The following CDIN1 variants were observed in gnomAD, a reference collection of about 807,000 sequenced individuals.
The protein encoded by CDIN1 is CDAN1-interacting nuclease 1.
In CDIN1, 33 loss-of-function variants were observed where a neutral mutation model predicts 45.3. The ratio of observed to expected loss-of-function variants is 0.73; its 90% CI spans 0.55 to 0.97. The LOEUF is 0.97. CDIN1 is among the 50% of genes least tolerant of loss of function. The pLI is 0.00. For missense variants in CDIN1, 303 were observed against 339.4 expected, an observed-to-expected ratio of 0.89 and a Z score of 0.84; for synonymous variants, 118 against 124.4, an observed-to-expected ratio of 0.95 and a Z score of 0.34.
intron 5 of CDIN1, among the ~76,000 whole-genome samples, chr15:36,663,267 T>C (rs936707919): frequency 1.3e-5 from 2 of 152,154 alleles, no homozygotes; most frequent in Non-Finnish European, 1.5e-5. Context: ...GTATTTATAT[T>C]TAAATTAACA....
intron 5 of CDIN1, among the ~76,000 whole-genome samples, chr15:36,667,826 A>G (rs530576631): frequency 2.6e-5 from 4 of 152,252 alleles, no homozygotes; most frequent in East Asian, 1.9e-4. Context: ...GTATTTTTTC[A>G]TTAGCCAGAT....
intron 10 of CDIN1, among the ~76,000 whole-genome samples, chr15:36,734,702 A>G (rs748244813): frequency 4.6e-5 from 7 of 152,184 alleles, no homozygotes; most frequent in Admixed American, 4.6e-4. Context: ...TCTTTGTTTT[A>G]GGACACTTCA....
intron 1 of CDIN1, among the ~76,000 whole-genome samples, chr15:36,615,690 G>T (rs1048148500): frequency 6.6e-6 from 1 of 152,160 alleles, no homozygotes; most frequent in African/African-American, 2.4e-5. Flanking sequence ...CCCTGAAACA[G>T]CAGTGCGAGT....
chr15:36,806,760 A>G (rs2055239806), intron 10 of CDIN1, among the ~76,000 whole-genome samples: 1 of 152,180 alleles, frequency 6.6e-6, no homozygotes, highest in South Asian at 2.1e-4. Context: ...TTATGTTCCA[A>G]TTACAGACAA....
At chr15:36,593,668 A>G (rs1055850775) in intron 1 of CDIN1, among the ~76,000 whole-genome samples, 1 of 152,070 alleles carries the variant, frequency 6.6e-6, no homozygotes, top group Non-Finnish European at 1.5e-5. Context: ...GGTTCACAGC[A>G]TTCTCCTGCC....
intron 10 of CDIN1, among the ~76,000 whole-genome samples, chr15:36,798,148 A>G (rs1164391991): frequency 6.6e-6 from 1 of 152,054 alleles, no homozygotes; most frequent in Non-Finnish European, 1.5e-5. Context: ...CTCAACAAAT[A>G]TGTATTGGCT....
intron 10 of CDIN1, among the ~76,000 whole-genome samples, chr15:36,713,432 T>A (rs1314529462): frequency 6.6e-6 from 1 of 152,194 alleles, no homozygotes; most frequent in Non-Finnish European, 1.5e-5. Flanking sequence ...GCTTCTTGGC[T>A]GGAACAAATG....
At chr15:36,712,424 C>T (rs2140844591) in intron 10 of CDIN1, among the ~76,000 whole-genome samples, 1 of 151,906 alleles carries the variant, frequency 6.6e-6, no homozygotes, top group East Asian at 1.9e-4. Flanking sequence ...TCACACCACT[C>T]CCGGCTAATT....
chr15:36,728,898 T>C (rs1566935142), intron 10 of CDIN1, among the ~76,000 whole-genome samples: 1 of 152,110 alleles, frequency 6.6e-6, no homozygotes, highest in East Asian at 1.9e-4. Context: ...GATCTCAGTC[T>C]CCTGACCTCA....
chr15:36,796,301 T>A (rs1275786518), intron 10 of CDIN1, among the ~76,000 whole-genome samples: 7 of 152,222 alleles, frequency 4.6e-5, no homozygotes. Context: ...GCACAAATGC[T>A]ATTCTATTCA....
At chr15:36,589,278 A>T (rs1433852868) in intron 1 of CDIN1, among the ~76,000 whole-genome samples, 1 of 152,206 alleles carries the variant, frequency 6.6e-6, no homozygotes, top group Non-Finnish European at 1.5e-5. Context: ...TTAATATATG[A>T]AGTCATGCTC....
intron 1 of CDIN1, among the ~76,000 whole-genome samples, chr15:36,587,655 G>T (rs2037369752): frequency 6.6e-6 from 1 of 152,094 alleles, no homozygotes; most frequent in African/African-American, 2.4e-5. Context: ...AATAAATGAT[G>T]CATTTAAGAT....
At chr15:36,776,985 C>G (rs1179727542) in intron 10 of CDIN1, among the ~76,000 whole-genome samples, 1 of 152,126 alleles carries the variant, frequency 6.6e-6, no homozygotes, top group East Asian at 1.9e-4. Flanking sequence ...CTGTTTTCAT[C>G]TTTTTGTCCC....
chr15:36,635,231 TC>T (rs1350578424), intron 1 of CDIN1, among the ~76,000 whole-genome samples: 3 of 152,208 alleles, frequency 2.0e-5, no homozygotes, highest in Non-Finnish European at 4.4e-5. Context: ...ACTAAGGTGA[TC>T]CTAGACTCCT....
In CDIN1 at chr15:36,752,099, C is replaced by T. The variant is rs949905933; in HGVS notation, c.716+42138C>T. On this transcript the variant is annotated intron_variant, in intron 10 of 10. Transcript: ENST00000566621. ...AGGTGCAGCAAACCACCATGGCACA[C>T]GTTTACCTATGTAACAAACCTGCAC... Among the ~76,000 whole-genome samples the T allele has an allele frequency of 5.3e-5, 8 of 152,256 alleles. No homozygotes were observed. In the South Asian group the frequency reaches 8.3e-4, roughly 16 times the overall value.
At chr15:36,765,722 T>C (rs751187351) in intron 10 of CDIN1, among the ~76,000 whole-genome samples, 36 of 152,226 alleles carry the variant, frequency 2.4e-4, no homozygotes, top group Non-Finnish European at 4.6e-4. Context: ...AACAGCCTTG[T>C]TGAGATATAA....
chr15:36,653,636 C>T (rs2040662222), intron 3 of CDIN1, among the ~76,000 whole-genome samples: 1 of 152,106 alleles, frequency 6.6e-6, no homozygotes, highest in Non-Finnish European at 1.5e-5. Context: ...TGCTGACCCA[C>T]TGATGACATG....
At position 36,736,149 on chromosome 15, in the gene CDIN1, G is replaced by A. The variant is rs565487988; in HGVS notation, c.716+26188G>A. ...AGACCTTGCTCCAAGGCTTCTCTGA[G>A]AAGGTAGAGAACTCCCACATAGAAC... On this transcript the variant is annotated intron_variant, in intron 10 of 10. Coordinates refer to ENST00000566621, the MANE Select transcript of CDIN1 (RefSeq NM_001321759.2). Among the ~76,000 whole-genome samples the A allele has an allele frequency of 2.0e-5, 3 of 152,296 alleles. No individual in the cohort carries two copies. The South Asian group carries it at 6.2e-4, about 32-fold the overall frequency.
At position 36,709,276 on chromosome 15, in the gene CDIN1, C is replaced by G. The variant is rs985277607; in HGVS notation, c.598C>G (p.Gln200Glu). 3.7e-6 allele frequency: 6 copies of G among 1,601,192 alleles called. No homozygotes were observed. Among genetic ancestry groups the G allele is most frequent in the Non-Finnish European group, 5.1e-6 (6 of 1,173,294 alleles). The change falls in exon 9 of 11, where the codon CAA becomes GAA. Residue 200 changes from glutamine to glutamate, a missense_variant. By Grantham distance (29) the Gln-to-Glu change is conservative (BLOSUM62 2). Coordinates refer to ENST00000566621, the MANE Select transcript of CDIN1 (RefSeq NM_001321759.2). The stretch of plus-strand genomic sequence containing the variant: ...TGACAAAACACCAGACTTCATTTTA[C>G]AAGTACCAGTTGGTAAGTTCTTTAA... Reference protein sequence around the residue: ...GYDKTPDFILQVPVAVEGHII... With the variant: ...GYDKTPDFILEVPVAVEGHII...
Sources: allele counts gnomAD v4.1 joint callset (sites outside exome capture counted in the v4.1 genomes callset), GRCh38; gene constraint gnomAD v4.1.1; transcripts MANE v1.5; gene names NCBI Gene and HGNC (gene_info 2026-07-23, HGNC 2026-07-21).